GFRA1: variants seen among roughly 807,000 people sequenced by gnomAD.
GFRA1 encodes the protein GDNF family receptor alpha-1.
GFRA1 carries 16 observed loss-of-function variants against 51.6 expected under a neutral mutation model. That is an observed-to-expected ratio of 0.31 (90% confidence interval 0.21 to 0.47). GFRA1 has a LOEUF of 0.47. Ranked by LOEUF, GFRA1 falls within the 20% of genes least tolerant of loss-of-function variation. The pLI, the probability that GFRA1 is intolerant of heterozygous loss-of-function variation, is 1.00. For synonymous variants in GFRA1, 270 were observed against 241.3 expected, an observed-to-expected ratio of 1.12 and a Z score of -1.10; for missense variants, 530 against 594.3, an observed-to-expected ratio of 0.89 and a Z score of 1.13.
At position 116,137,144 on chromosome 10, in the gene GFRA1, C is replaced by T. The variant is rs932017923; in HGVS notation, c.434-11587G>A. Among the ~76,000 whole-genome samples, 9 of 152,310 alleles carry T rather than the reference C, an allele frequency of 5.9e-5. No homozygotes were observed. The East Asian group carries it at 1.5e-3, about 26-fold the overall frequency. ...AGAGCAAAAAGATGCCACCAGAAGG[C>T]AGGCTACAGGTCCGAATGTCACTTC... On this transcript the variant is annotated intron_variant, in intron 5 of 10. Coordinates refer to ENST00000355422, the MANE Select transcript of GFRA1 (RefSeq NM_005264.8).
intron 6 of GFRA1, among the ~76,000 whole-genome samples, chr10:116,121,667 AT>A (rs1347740239): frequency 6.6e-6 from 1 of 152,208 alleles, no homozygotes; most frequent in Non-Finnish European, 1.5e-5. Context: ...TAAGATGGAA[AT>A]GGAGCATTTG....
chr10:116,204,034 G>A (rs1393511558), intron 5 of GFRA1, among the ~76,000 whole-genome samples: 1 of 152,226 alleles, frequency 6.6e-6, no homozygotes, highest in African/African-American at 2.4e-5. Context: ...CAACAAACTT[G>A]TACTTCTACA....
Position 116,203,558 on chromosome 10 carries a change from G to A in GFRA1, c.433+8073C>T, listed in dbSNP as rs556021268. On this transcript the variant is annotated intron_variant, in intron 5 of 10. Transcript: ENST00000355422. ...CATTTGGGAAGGGACATCAGAGAGAGGCAGCTGGGGGAAGGTGGCACATGG... is the reference window on the plus strand; with the variant it reads ...CATTTGGGAAGGGACATCAGAGAGAAGCAGCTGGGGGAAGGTGGCACATGG... 2.7e-4 allele frequency among the ~76,000 whole-genome samples: 41 copies of A among 152,320 alleles called. No homozygotes were observed. The South Asian group carries it at 7.7e-3, about 28-fold the overall frequency.
At chr10:116,130,257 T>G (rs1476194524) in intron 5 of GFRA1, among the ~76,000 whole-genome samples, 6 of 151,956 alleles carry the variant, frequency 3.9e-5, no homozygotes, top group Non-Finnish European at 7.4e-5. Flanking sequence ...TTATTAAAAC[T>G]TAATAGCTTA....
chr10:116,113,540 A>C (rs1191676353), intron 6 of GFRA1, among the ~76,000 whole-genome samples: 2 of 152,182 alleles, frequency 1.3e-5, no homozygotes, highest in African/African-American at 4.8e-5. Context: ...ATAAGAAGTA[A>C]AGTCACCACC....
intron 5 of GFRA1, among the ~76,000 whole-genome samples, chr10:116,188,625 C>A (rs999652956): frequency 6.6e-6 from 1 of 152,014 alleles, no homozygotes; most frequent in Admixed American, 6.6e-5. Flanking sequence ...AATGTTGGGC[C>A]GGGCACGGTG....
chr10:116,262,381 T>G (rs1969359777), intron 4 of GFRA1, among the ~76,000 whole-genome samples: 1 of 152,168 alleles, frequency 6.6e-6, no homozygotes, highest in African/African-American at 2.4e-5. Flanking sequence ...AGGTTGACAT[T>G]TAATCTAAAT....
At position 116,205,861 on chromosome 10, in the gene GFRA1, C is replaced by T. The variant is rs141655766; in HGVS notation, c.433+5770G>A. ...GGAAGAGGCAGCCTCGCACAGCCCCCGTAGAATGTGATACAACATCTCAGA... is the reference window on the plus strand; with the variant it reads ...GGAAGAGGCAGCCTCGCACAGCCCCTGTAGAATGTGATACAACATCTCAGA... On this transcript the variant is annotated intron_variant, in intron 5 of 10. Coordinates refer to ENST00000355422, the MANE Select transcript of GFRA1 (RefSeq NM_005264.8). 4.6e-5 allele frequency among the ~76,000 whole-genome samples: 7 copies of T among 150,718 alleles called. No homozygotes were observed. In the East Asian group the frequency reaches 1.2e-3, roughly 26 times the overall value.
chr10:116,219,107 T>C (rs1360380749), intron 4 of GFRA1, among the ~76,000 whole-genome samples: 1 of 152,182 alleles, frequency 6.6e-6, no homozygotes, highest in Non-Finnish European at 1.5e-5. Context: ...CCCATCGGCC[T>C]GCGCTGACTT....
chr10:116,222,264 T>C (rs924134073), intron 4 of GFRA1, among the ~76,000 whole-genome samples: 8 of 152,150 alleles, frequency 5.3e-5, no homozygotes, highest in Non-Finnish European at 1.0e-4. Context: ...AGCAGCGTGA[T>C]CTCGGCTCAC....
intron 9 of GFRA1, among the ~76,000 whole-genome samples, chr10:116,068,124 G>C (rs995692417): frequency 2.6e-5 from 4 of 152,166 alleles, no homozygotes; most frequent in African/African-American, 7.2e-5. Context: ...ATCCCTACAG[G>C]GGATGCTCTG....
At chr10:116,169,464 T>A (rs769243958) in intron 5 of GFRA1, among the ~76,000 whole-genome samples, 5 of 152,230 alleles carry the variant, frequency 3.3e-5, no homozygotes, top group Non-Finnish European at 7.3e-5. Flanking sequence ...CCTTTTGGCC[T>A]ACCATGGCCC....
chr10:116,062,879 C>A lies in GFRA1; in HGVS notation c.*1519G>T, dbSNP rs1954888644. 1 of 152,236 alleles carries A rather than the reference C, an allele frequency of 6.6e-6. No individual in the cohort carries two copies. The highest frequency in any genetic ancestry group is 2.4e-5 in the African/African-American group (1 of 41,460). The allele number at this position is 152,236 out of a possible 1,614,324, so 9.4% of individuals were successfully genotyped here. On this transcript the variant is annotated 3_prime_UTR_variant, in exon 11 of 11. Coordinates refer to ENST00000355422, the MANE Select transcript of GFRA1 (RefSeq NM_005264.8). ...GATGCCTTATCACCAGGGTCCTGTT[C>A]TGCTGATCTGTGCCAAGCAACTCAT...
Position 116,057,177 on chromosome 10 carries a change from T to C in GFRA1, c.*7221A>G, listed in dbSNP as rs1447601629. ...TGTGGGAGTGACCCCAGGAGAATGC[T>C]CCGGTGTCCTCTGGAAAGCAGATAC... is the stretch of plus-strand genomic sequence containing the variant. On this transcript the variant is annotated 3_prime_UTR_variant, in exon 11 of 11. Coordinates refer to ENST00000355422, the MANE Select transcript of GFRA1 (RefSeq NM_005264.8). The C allele has an allele frequency of 6.6e-6, 1 of 152,128 alleles. No homozygotes were observed. The highest frequency in any genetic ancestry group is 2.4e-5 in the African/African-American group (1 of 41,410). The allele number at this position is 152,128 out of a possible 1,614,324, so 9.4% of individuals were successfully genotyped here.
intron 6 of GFRA1, among the ~76,000 whole-genome samples, chr10:116,121,686 G>T (rs79232014): frequency 1.3e-5 from 2 of 152,176 alleles, no homozygotes; most frequent in African/African-American, 2.4e-5. Context: ...TTGAAAGTGT[G>T]AGCTTTCGAA....
intron 10 of GFRA1, among the ~76,000 whole-genome samples, chr10:116,065,006 C>G (rs1028900158): frequency 6.6e-6 from 1 of 151,934 alleles, no homozygotes; most frequent in African/African-American, 2.4e-5. Flanking sequence ...GAGAACTAAA[C>G]CAGAACTCTG....
chr10:116,228,980 C>CA lies in GFRA1; in HGVS notation c.419-17336dup, dbSNP rs57618028. ...TTGATGACAGACCAATACTCCATCT[C>CA]AAAAAAAAAAAAAAAAAAAAAAAAA... is the stretch of plus-strand genomic sequence containing the variant. On this transcript the variant is annotated intron_variant, in intron 4 of 10. Coordinates refer to ENST00000355422, the MANE Select transcript of GFRA1 (RefSeq NM_005264.8). 8.8e-3 allele frequency among the ~76,000 whole-genome samples: 467 copies of CA among 52,880 alleles called. 29 individuals carry two copies. The highest frequency in any genetic ancestry group is 0.026 in the African/African-American group (391 of 14,986). 34.7% of individuals were successfully genotyped at this position (52,880 alleles called of 152,430 possible).
chr10:116,127,876 A>G (rs934152840), intron 5 of GFRA1, among the ~76,000 whole-genome samples: 4 of 152,208 alleles, frequency 2.6e-5, no homozygotes, highest in African/African-American at 4.8e-5. Flanking sequence ...TAATATGACC[A>G]TATTCTGGAT....
At chr10:116,078,644 C>G (rs771317192) in intron 9 of GFRA1, among the ~76,000 whole-genome samples, 1 of 152,158 alleles carries the variant, frequency 6.6e-6, no homozygotes, top group Non-Finnish European at 1.5e-5. Context: ...GAGACCATTA[C>G]GCAGAGAAAA....
Sources: gnomAD v4.1 joint callset for allele counts (sites outside exome capture counted in the v4.1 genomes callset) on GRCh38, gnomAD v4.1.1 for gene constraint, MANE v1.5 for transcripts, NCBI Gene and HGNC (gene_info 2026-07-23, HGNC 2026-07-21) for gene names.